MIA2: variants seen among roughly 807,000 people sequenced by gnomAD.
MIA2 encodes melanoma inhibitory activity protein 2.
A neutral mutation model predicts 167.8 loss-of-function variants in MIA2; 127 were observed. The ratio of observed to expected loss-of-function variants is 0.76; its 90% CI spans 0.66 to 0.88. MIA2 has a LOEUF of 0.88. Among genes scored for constraint, MIA2 ranks in the 40% least tolerant of loss-of-function variants. The pLI is 0.00. For synonymous variants in MIA2, 552 were observed against 541.9 expected (o/e 1.02, Z -0.26); for missense variants, 1,690 against 1,624.7 (o/e 1.04, Z -0.69).
At chr14:39,335,194 C>A (rs1185797790) in intron 25 of MIA2, among the ~76,000 whole-genome samples, 1 of 152,002 alleles carries the variant, frequency 6.6e-6, no homozygotes, top group Non-Finnish European at 1.5e-5. Context: ...ATGAAGAGTC[C>A]TTCTCACTAA....
chr14:39,245,080 C>CATTTTTTTTTT (rs1566590809), intron 3 of MIA2, among the ~76,000 whole-genome samples: 2 of 10,526 alleles, frequency 1.9e-4, no homozygotes, highest in Admixed American at 5.3e-4. Context: ...ACCTAGCTAA[C>CATTTTTTTTTT]CTTTTTTTTT....
chr14:39,357,978 C>T lies in MIA2; in HGVS notation c.2248+9001C>T, dbSNP rs144308452. On this transcript the variant is annotated intron_variant, in intron 23 of 23. Transcript: ENST00000341502. ...TAACCCGACCTTTCTCTCTGGCTGC[C>T]CTTAACATTTTTTCCTTCATTTCGA... Among the ~76,000 whole-genome samples, 869 of 152,240 alleles carry T rather than the reference C, an allele frequency of 5.7e-3. 6 individuals carry two copies. The highest frequency in any genetic ancestry group is 0.02 in the African/African-American group (820 of 41,536).
At chr14:39,369,321 T>C (rs1421047563) in intron 23 of MIA2, among the ~76,000 whole-genome samples, 2 of 152,234 alleles carry the variant, frequency 1.3e-5, no homozygotes, top group East Asian at 1.9e-4. Flanking sequence ...TTAGGGAAGA[T>C]CTGTCCGGTG....
intron 13 of MIA2, among the ~76,000 whole-genome samples, chr14:39,296,530 C>T (rs2061438407): frequency 6.6e-6 from 1 of 151,644 alleles, no homozygotes; most frequent in Non-Finnish European, 1.5e-5. Flanking sequence ...ATCCACCCGC[C>T]TCGGCCTCCC....
At chr14:39,360,518 G>A (rs2074658537) in intron 23 of MIA2, among the ~76,000 whole-genome samples, 1 of 150,652 alleles carries the variant, frequency 6.6e-6, no homozygotes, top group Non-Finnish European at 1.5e-5. Context: ...ACCATTGAGT[G>A]CCTTGTGTAT....
intron 2 of MIA2, 84 bp from the exon 3 acceptor site, chr14:39,240,477 A>G (rs181472269): frequency 5.0e-5 from 48 of 967,840 alleles, no homozygotes; most frequent in Non-Finnish European, 7.6e-5. Context: ...GATGAAAGCC[A>G]AGGACATGGG....
chr14:39,287,212 T>A (rs1451068359), intron 9 of MIA2, among the ~76,000 whole-genome samples: 1 of 152,154 alleles, frequency 6.6e-6, no homozygotes, highest in East Asian at 1.9e-4. Context: ...TAGCTGGGAC[T>A]ACAGGCGTGC....
intron 7 of MIA2, among the ~76,000 whole-genome samples, chr14:39,277,724 A>ATATATATATATATATATATGTGTGTG (rs2058311221): frequency 3.3e-4 from 1 of 3,060 alleles, no homozygotes; most frequent in Non-Finnish European, 7.8e-4. Flanking sequence ...ATGTGTGTAT[A>ATATATATATATATATATATGTGTGTG]TATATATATA....
At chr14:39,260,641 C>G (rs984898368) in intron 6 of MIA2, among the ~76,000 whole-genome samples, 1 of 152,180 alleles carries the variant, frequency 6.6e-6, no homozygotes, top group East Asian at 1.9e-4. Context: ...CAAAAATTTT[C>G]TCCCATTCTT....
chr14:39,300,999 T>C (rs1451369150), intron 14 of MIA2, among the ~76,000 whole-genome samples: 8 of 148,990 alleles, frequency 5.4e-5, no homozygotes, highest in African/African-American at 1.3e-4. Flanking sequence ...TACACATATA[T>C]ACATATATAC....
chr14:39,282,130 A>G (rs2059039664), intron 9 of MIA2, among the ~76,000 whole-genome samples: 1 of 152,182 alleles, frequency 6.6e-6, no homozygotes, highest in Non-Finnish European at 1.5e-5. Context: ...ATAATATAAT[A>G]AAAATTGTAA....
Position 39,304,338 on chromosome 14 carries a change from T to A in MIA2, c.2835T>A (p.Tyr945Ter). 6.3e-7 allele frequency: 1 copy of A among 1,576,958 alleles called. No individual in the cohort carries two copies. ...TAGAAGGAGAAAGAAACCAAATTTA[T>A]ATTCAGTTGTCTGAAGTTGATAAAA... ...KTLEGERNQI[Y>*]IQLSEVDKTK... Residue 945 changes from tyrosine (Y) to a stop codon, truncating the protein, a stop_gained, in exon 17 of 29, where the codon TAT becomes TAA. Transcript: ENST00000640607. LOFTEE classifies it high-confidence loss of function.
chr14:39,244,783 CTT>C (rs541605006), intron 3 of MIA2, among the ~76,000 whole-genome samples: 1 of 145,004 alleles, frequency 6.9e-6, no homozygotes, highest in Admixed American at 7.0e-5. Flanking sequence ...TTTAGTGCAA[CTT>C]TTTTTTTTTT....
intron 6 of MIA2, chr14:39,265,816 G>A (rs2055536106): frequency 1.2e-5 from 3 of 246,352 alleles, no homozygotes; most frequent in Non-Finnish European, 2.0e-5. Flanking sequence ...TGCTTGTTTT[G>A]ACTTTAATGA....
At chr14:39,293,225 T>C (rs373782915) in intron 10 of MIA2, 46 bp from the exon 11 acceptor site, 147 of 1,270,360 alleles carry the variant, frequency 1.2e-4, no homozygotes, top group Non-Finnish European at 1.4e-4. Flanking sequence ...ATTTCCCTAA[T>C]GAAAAATTCT....
At chr14:39,373,656 A>G (rs553936557) in intron 23 of MIA2, among the ~76,000 whole-genome samples, 11 of 152,056 alleles carry the variant, frequency 7.2e-5, no homozygotes, top group Non-Finnish European at 1.6e-4. Context: ...CCTTGTCTCT[A>G]TTAAAAATAC....
chr14:39,350,799 C>T (rs953241731), downstream of MIA2: 6 of 115,906 alleles, frequency 5.2e-5, no homozygotes, highest in African/African-American at 2.5e-4. Flanking sequence ...AATGTGCTCT[C>T]TTTCTTGTAA....
chr14:39,362,511 C>A (rs2074706096), intron 23 of MIA2, among the ~76,000 whole-genome samples: 1 of 152,050 alleles, frequency 6.6e-6, no homozygotes, highest in Admixed American at 6.5e-5. Flanking sequence ...TTTTATATTT[C>A]TGTGCTATCA....
chr14:39,373,847 G>T (rs918134778), intron 23 of MIA2, among the ~76,000 whole-genome samples: 5 of 151,828 alleles, frequency 3.3e-5, no homozygotes, highest in African/African-American at 1.2e-4. Flanking sequence ...AATAAAAAAT[G>T]AGAAAACAGT....
Sources: gnomAD v4.1 joint callset for allele counts (sites outside exome capture counted in the v4.1 genomes callset) on GRCh38, gnomAD v4.1.1 for gene constraint, MANE v1.5 for transcripts, NCBI Gene and HGNC (gene_info 2026-07-23, HGNC 2026-07-21) for gene names.